Variants in SLC9A7 observed in about 807,000 individuals in gnomAD.
The protein encoded by SLC9A7 is solute carrier family 9 member A7, also known as sodium/hydrogen exchanger 7.
SLC9A7 carries 19 observed loss-of-function variants against 52.6 expected under a neutral mutation model. The observed-to-expected ratio is 0.36, with a 90% CI of 0.25 to 0.53. SLC9A7 has a LOEUF of 0.53. Ranked by LOEUF, SLC9A7 falls within the 20% of genes least tolerant of loss-of-function variation. The pLI is 0.91. For missense variants in SLC9A7, 455 were observed against 597.9 expected (o/e 0.76, Z 2.49); for synonymous variants, 226 against 252.1 (o/e 0.90, Z 0.98).
chrX:46,729,655 C>T (rs1032502475), intron 1 of SLC9A7, among the ~76,000 whole-genome samples: 1 of 110,811 alleles, frequency 9.0e-6, no homozygotes, highest in Non-Finnish European at 1.9e-5. Context: ...TGCCTGCAAT[C>T]CCAGCTACTC....
chrX:46,634,349 T>C (rs1386866885), intron 13 of SLC9A7, among the ~76,000 whole-genome samples: 1 of 111,676 alleles, frequency 9.0e-6, no homozygotes, highest in African/African-American at 3.3e-5. Context: ...GATAATATCA[T>C]TGATAATTTC....
intron 14 of SLC9A7, among the ~76,000 whole-genome samples, chrX:46,624,155 T>C (rs763725673): frequency 8.9e-6 from 1 of 112,728 alleles, no homozygotes; most frequent in South Asian, 3.6e-4. Context: ...TTGTATCCTT[T>C]ATAACAAACT....
At chrX:46,659,173 A>AC (rs1274967871) in intron 7 of SLC9A7, among the ~76,000 whole-genome samples, 1 of 111,746 alleles carries the variant, frequency 8.9e-6, no homozygotes, top group Non-Finnish European at 1.9e-5. Context: ...AAACTCAACA[A>AC]CCTTCATGCT....
intron 1 of SLC9A7, among the ~76,000 whole-genome samples, chrX:46,716,424 G>A (rs1014349948): frequency 5.4e-5 from 6 of 111,824 alleles, no homozygotes; most frequent in Non-Finnish European, 1.1e-4. Context: ...TGGATGCTAT[G>A]AACCCTGAGA....
chrX:46,680,473 T>G (rs1944195389), intron 2 of SLC9A7, among the ~76,000 whole-genome samples: 1 of 111,561 alleles, frequency 9.0e-6, no homozygotes, highest in South Asian at 3.8e-4. Flanking sequence ...ATAGACAAAA[T>G]TGTGCTGAAT....
chrX:46,744,786 C>CT (rs1921614761), intron 1 of SLC9A7, among the ~76,000 whole-genome samples: 1 of 111,793 alleles, frequency 8.9e-6, no homozygotes, highest in African/African-American at 3.2e-5. Flanking sequence ...TGGTAAAGAG[C>CT]ATTAGCAAAA....
At chrX:46,689,955 CT>C (rs1311230632) in intron 1 of SLC9A7, among the ~76,000 whole-genome samples, 1 of 111,698 alleles carries the variant, frequency 9.0e-6, no homozygotes, top group Admixed American at 9.5e-5. Context: ...TGAACTCATT[CT>C]TTTTTATAGC....
rs1274286817 is a variant in SLC9A7 at position 46,599,710 on chromosome X, TCA to T, written c.*7240_*7241del. The T allele has an allele frequency of 3.6e-5, 4 of 111,722 alleles. No individual in the cohort carries two copies. Among genetic ancestry groups the T allele is most frequent in the Non-Finnish European group, 7.5e-5 (4 of 53,192 alleles). 9.2% of individuals were successfully genotyped at this position (111,722 alleles called of 1,213,427 possible). ...TGGATAACGCCAAGTCTTTAATTTT[TCA>T]CAGTTATACTTTAATGTCATTTTAT... On this transcript the variant is annotated 3_prime_UTR_variant, in exon 17 of 17. Transcript: ENST00000616978.
chrX:46,745,082 T>C (rs894076518), intron 1 of SLC9A7, among the ~76,000 whole-genome samples: 2 of 111,123 alleles, frequency 1.8e-5, no homozygotes, highest in African/African-American at 6.5e-5. Flanking sequence ...GAGTCAAAGG[T>C]TTACAGCAAC....
At chrX:46,656,743 TGA>T (rs780069545) in intron 7 of SLC9A7, among the ~76,000 whole-genome samples, 124 of 111,678 alleles carry the variant, frequency 1.1e-3, no homozygotes, top group Non-Finnish European at 2.0e-3. Flanking sequence ...AATCTACATC[TGA>T]TTGGTGTACC....
chrX:46,605,522 T>C lies in SLC9A7; in HGVS notation c.*1430A>G, dbSNP rs1486746674. 1 of 111,784 alleles carries C rather than the reference T, an allele frequency of 8.9e-6. No homozygotes were observed. The highest frequency in any genetic ancestry group is 3.3e-5 in the African/African-American group (1 of 30,690). 9.2% of individuals were successfully genotyped at this position (111,784 alleles called of 1,213,427 possible). ...AAAGACACTCGGACTCTTAAGCTTA[T>C]AGAAGACAGAGCTTTCTAGTGGGCT... On this transcript the variant is annotated 3_prime_UTR_variant, in exon 17 of 17. Transcript: ENST00000616978.
rs759248567 is a variant in SLC9A7, at chrX:46,669,768, T to G, written c.681-49A>C. 4 of 629,397 alleles carry G rather than the reference T, an allele frequency of 6.4e-6. No homozygotes were observed. The Admixed American group carries it at 9.7e-5, about 15-fold the overall frequency. 51.9% of individuals were successfully genotyped at this position (629,397 alleles called of 1,213,427 possible). On this transcript the variant is annotated intron_variant, in intron 4 of 16. Transcript: ENST00000616978. ...TGTCAGGAGAAAAAAATAAGTAACT[T>G]AGCAAACACGCAAGCAGAATAGCAC...
intron 1 of SLC9A7, among the ~76,000 whole-genome samples, chrX:46,690,939 C>T (rs1944372127): frequency 9.0e-6 from 1 of 111,689 alleles, no homozygotes; most frequent in Non-Finnish European, 1.9e-5. Context: ...ATTTCTGGAG[C>T]TGGTGGGAGA....
In SLC9A7 at chrX:46,602,758, C is replaced by A. The variant is rs915563721; in HGVS notation, c.*4194G>T. The A allele has an allele frequency of 5.3e-5, 6 of 112,604 alleles. No homozygotes were observed. Among genetic ancestry groups the A allele is most frequent in the Admixed American group, 3.8e-4 (4 of 10,652 alleles). The allele number at this position is 112,604 out of a possible 1,213,427, so 9.3% of individuals were successfully genotyped here. On this transcript the variant is annotated 3_prime_UTR_variant, in exon 17 of 17. Coordinates refer to ENST00000616978, the MANE Select transcript of SLC9A7 (RefSeq NM_001257291.2). Reference sequence around the variant, plus strand: ...CATTACTTAGCAGTTTCAATCTGATCTTATGCCAGACTGGCAGCAGATAGT... The same window carrying A: ...CATTACTTAGCAGTTTCAATCTGATATTATGCCAGACTGGCAGCAGATAGT...
intron 15 of SLC9A7, among the ~76,000 whole-genome samples, chrX:46,614,026 C>T (rs192593276): frequency 8.9e-6 from 1 of 112,102 alleles, no homozygotes; most frequent in Non-Finnish European, 1.9e-5. Context: ...CTCCTAGACG[C>T]TAACACAAGG....
intron 12 of SLC9A7, 86 bp downstream of exon 12, chrX:46,643,150 A>G: frequency 1.0e-5 from 9 of 900,721 alleles, no homozygotes; most frequent in South Asian, 3.4e-5. Context: ...TCCATGAACT[A>G]AAGTAGCACA....
At chrX:46,721,565 C>T (rs1790628521) in intron 1 of SLC9A7, among the ~76,000 whole-genome samples, 2 of 110,960 alleles carry the variant, frequency 1.8e-5, no homozygotes, top group South Asian at 7.6e-4. Flanking sequence ...AACACGTTTG[C>T]TTCAAAATTC....
chrX:46,738,541 G>A (rs1414963610), intron 1 of SLC9A7, among the ~76,000 whole-genome samples: 1 of 112,158 alleles, frequency 8.9e-6, no homozygotes, highest in African/African-American at 3.2e-5. Flanking sequence ...AGGCCAAGGT[G>A]GGTGGATCAC....
At chrX:46,680,823 G>C (rs1210740653) in intron 2 of SLC9A7, among the ~76,000 whole-genome samples, 2 of 112,142 alleles carry the variant, frequency 1.8e-5, no homozygotes, top group Non-Finnish European at 1.9e-5. Flanking sequence ...GAAACTGGAG[G>C]TGTTAATCAG....
Sources: gnomAD v4.1 joint callset for allele counts (sites outside exome capture counted in the v4.1 genomes callset) on GRCh38, gnomAD v4.1.1 for gene constraint, MANE v1.5 for transcripts, NCBI Gene and HGNC (gene_info 2026-07-23, HGNC 2026-07-21) for gene names.